The following JAM3 variants were observed in gnomAD, a reference collection of about 807,000 sequenced individuals.
JAM3 encodes junctional adhesion molecule 3.
Under a neutral mutation model 39.4 loss-of-function variants are expected in JAM3, and 31 were observed. The observed-to-expected ratio is 0.79, with a 90% confidence interval of 0.59 to 1.06. The LOEUF is 1.06. Among genes scored for constraint, JAM3 ranks in the 50% least tolerant of loss-of-function variants. JAM3 has a pLI of 0.00. For missense variants in JAM3, 455 were observed against 391.4 expected (o/e 1.16, Z -1.37); for synonymous variants, 182 against 148.7 (o/e 1.22, Z -1.63).
At chr11:134,147,435 C>T (rs188044676) in intron 6 of JAM3, among the ~76,000 whole-genome samples, 4 of 116,532 alleles carry the variant, frequency 3.4e-5, no homozygotes, top group Admixed American at 1.0e-4. Context: ...GCCTGGGTGA[C>T]GGTGACGGAG....
At chr11:134,130,914 G>A (rs183570271) in intron 1 of JAM3, among the ~76,000 whole-genome samples, 5 of 152,176 alleles carry the variant, frequency 3.3e-5, no homozygotes, top group Non-Finnish European at 7.3e-5. Context: ...GCTATTAAAA[G>A]CTACAGAGTG....
chr11:134,139,240 A>G (rs533621106), intron 1 of JAM3, among the ~76,000 whole-genome samples: 1 of 152,218 alleles, frequency 6.6e-6, no homozygotes, highest in Non-Finnish European at 1.5e-5. Context: ...TTCATCAATG[A>G]TATAAACTCA....
intron 1 of JAM3, among the ~76,000 whole-genome samples, chr11:134,105,921 G>A (rs900755061): frequency 7.2e-5 from 11 of 152,200 alleles, no homozygotes; most frequent in South Asian, 2.1e-4. Context: ...TGGCCATACC[G>A]CCGAAGGTAA....
At chr11:134,145,131 T>C in intron 5 of JAM3, 137 bp downstream of exon 5, 1 of 767,718 alleles carries the variant, frequency 1.3e-6, no homozygotes, top group Non-Finnish European at 2.3e-6. Flanking sequence ...TTAGGGATTC[T>C]ACAGGAAAAA....
chr11:134,097,204 T>C (rs1941999416), intron 1 of JAM3, among the ~76,000 whole-genome samples: 1 of 152,232 alleles, frequency 6.6e-6, no homozygotes, highest in South Asian at 2.1e-4. Context: ...TTGATTACTC[T>C]TTACCATCCT....
At chr11:134,106,824 A>T (rs1361639394) in intron 1 of JAM3, among the ~76,000 whole-genome samples, 1 of 152,230 alleles carries the variant, frequency 6.6e-6, no homozygotes, top group Non-Finnish European at 1.5e-5. Flanking sequence ...TTAAAAAGTC[A>T]GGAAACAACA....
chr11:134,130,199 A>T (rs890917318), intron 1 of JAM3, among the ~76,000 whole-genome samples: 1 of 152,200 alleles, frequency 6.6e-6, no homozygotes, highest in African/African-American at 2.4e-5. Context: ...ACATAAGCCC[A>T]CAATGCCAGT....
chr11:134,069,079 T>C lies in JAM3; in HGVS notation c.-5T>C. ...GCTGCCGCTGGCCCCTCAGCAACCC[T>C]CGACATGGCGCTGAGGCGGCCACCG... is the stretch of plus-strand genomic sequence containing the variant. On this transcript the variant is annotated 5_prime_UTR_variant, in exon 1 of 9. Coordinates refer to ENST00000299106, the MANE Select transcript of JAM3 (RefSeq NM_032801.5). 6.2e-7 allele frequency: 1 copy of C among 1,610,238 alleles called. No individual in the cohort carries two copies. Among genetic ancestry groups the C allele is most frequent in the Non-Finnish European group, 8.5e-7 (1 of 1,178,666 alleles).
chr11:134,106,472 GCAA>G (rs2120705736), intron 1 of JAM3, among the ~76,000 whole-genome samples: 1 of 152,298 alleles, frequency 6.6e-6, no homozygotes, highest in African/African-American at 2.4e-5. Context: ...AAAAGCAATG[GCAA>G]CAAAAGCCAA....
intron 1 of JAM3, among the ~76,000 whole-genome samples, chr11:134,082,667 T>C (rs886220296): frequency 6.6e-6 from 1 of 152,240 alleles, no homozygotes; most frequent in African/African-American, 2.4e-5. Flanking sequence ...CATGTGGAAC[T>C]GTAACTATGA....
intron 1 of JAM3, among the ~76,000 whole-genome samples, chr11:134,118,857 C>T (rs929220421): frequency 2.0e-5 from 3 of 152,074 alleles, no homozygotes; most frequent in African/African-American, 7.2e-5. Flanking sequence ...GGTTGGTTAA[C>T]GGTCTTTCCA....
At chr11:134,098,305 A>G (rs771248514) in intron 1 of JAM3, among the ~76,000 whole-genome samples, 14 of 152,350 alleles carry the variant, frequency 9.2e-5, no homozygotes, top group East Asian at 1.9e-4. Flanking sequence ...ACTAAGAGCA[A>G]TGCCAAATTA....
intron 1 of JAM3, among the ~76,000 whole-genome samples, chr11:134,139,061 G>A (rs913393121): frequency 1.3e-5 from 2 of 152,204 alleles, no homozygotes; most frequent in Admixed American, 1.3e-4. Flanking sequence ...AGGCATGGCA[G>A]CTAAAGAATA....
At chr11:134,136,142 T>TAGAC (rs10671335) in intron 1 of JAM3, among the ~76,000 whole-genome samples, 105,637 of 151,650 alleles carry the variant, frequency 0.7, 38,272 homozygotes, top group African/African-American at 0.91. Flanking sequence ...CAGGCCAAAA[T>TAGAC]AGGAAATTGA....
intron 6 of JAM3, among the ~76,000 whole-genome samples, chr11:134,146,848 T>C (rs1461219045): frequency 1.3e-5 from 2 of 152,184 alleles, no homozygotes; most frequent in African/African-American, 4.8e-5. Flanking sequence ...TTAACAGGCA[T>C]GAGCCACTGT....
At chr11:134,146,998 T>C (rs1324345758) in intron 6 of JAM3, among the ~76,000 whole-genome samples, 2 of 152,218 alleles carry the variant, frequency 1.3e-5, no homozygotes, top group African/African-American at 2.4e-5. Flanking sequence ...CTCAGACATA[T>C]GCTAGAAATG....
At chr11:134,127,327 A>T (rs967294942) in intron 1 of JAM3, among the ~76,000 whole-genome samples, 1 of 152,174 alleles carries the variant, frequency 6.6e-6, no homozygotes, top group Non-Finnish European at 1.5e-5. Context: ...TTCCTTCCCT[A>T]CTTCTGGAAC....
In JAM3 at chr11:134,148,665, G is replaced by A. The variant is rs761662253; in HGVS notation, c.831G>A (p.Gln277=). The A allele has an allele frequency of 6.2e-7, 1 of 1,614,094 alleles. No individual in the cohort carries two copies. Among genetic ancestry groups the A allele is most frequent in the Non-Finnish European group, 8.5e-7 (1 of 1,180,028 alleles). ...YRRGYFINNK[Q]DGESYKNPGK... ...GTGGCTACTTCATCAACAATAAACA[G>A]GATGGAGAAAGGTGAGCCTGCCTTA... Residue 277 remains glutamine (Q), a synonymous_variant, in exon 7 of 9, where the codon CAG becomes CAA. Transcript: ENST00000299106.
chr11:134,129,148 C>T (rs1376070499), intron 1 of JAM3, among the ~76,000 whole-genome samples: 1 of 146,450 alleles, frequency 6.8e-6, no homozygotes, highest in Non-Finnish European at 1.5e-5. Flanking sequence ...TTGACAGAGT[C>T]TCGCTCTGTT....
Sources: allele counts gnomAD v4.1 joint callset (sites outside exome capture counted in the v4.1 genomes callset), GRCh38; gene constraint gnomAD v4.1.1; transcripts MANE v1.5; gene names NCBI Gene and HGNC (gene_info 2026-07-23, HGNC 2026-07-21).